The following C11orf65 variants were observed in gnomAD, a reference collection of about 807,000 sequenced individuals.
C11orf65 encodes the protein chromosome 11 open reading frame 65, also known as protein MFI.
C11orf65 carries 38 observed loss-of-function variants against 35.3 expected under a neutral mutation model. That is an observed-to-expected ratio of 1.08 (90% confidence interval 0.83 to 1.41). The LOEUF is 1.41. Among genes scored for constraint, C11orf65 ranks in the 40% most tolerant of loss-of-function variants. The pLI, the probability that C11orf65 is intolerant of heterozygous loss-of-function variation, is 0.00. For synonymous variants in C11orf65, 105 were observed against 114.4 expected (o/e 0.92, Z 0.53); for missense variants, 370 against 367.1 (o/e 1.01, Z -0.06).
intron 5 of C11orf65, among the ~76,000 whole-genome samples, chr11:108,405,961 T>C (rs2092532428): frequency 6.6e-6 from 1 of 152,200 alleles, no homozygotes; most frequent in African/African-American, 2.4e-5. Context: ...CCTAAGACTT[T>C]GTGGTTTCCC....
chr11:108,330,472 A>G (rs2136469248), downstream of C11orf65: 1 of 1,573,796 alleles, frequency 6.4e-7, no homozygotes, highest in Non-Finnish European at 8.7e-7. Context: ...AAACTTAGAC[A>G]TAAGCCCCTT....
intron 3 of C11orf65, among the ~76,000 whole-genome samples, chr11:108,407,743 G>C (rs2092569209): frequency 6.6e-6 from 1 of 150,924 alleles, no homozygotes; most frequent in Non-Finnish European, 1.5e-5. Context: ...AGGAGATCGA[G>C]ACCACGGTGA....
chr11:108,331,823 A>G, intron 3 of C11orf65: 1 of 1,580,050 alleles, frequency 6.3e-7, no homozygotes, highest in South Asian at 1.1e-5. Context: ...AAAATGAAAA[A>G]TATGGATTAT....
chr11:108,440,124 T>G (rs2093127064), intron 2 of C11orf65, among the ~76,000 whole-genome samples: 1 of 152,172 alleles, frequency 6.6e-6, no homozygotes, highest in Non-Finnish European at 1.5e-5. Flanking sequence ...ATGAGCTTCT[T>G]ACATTGTTCT....
At chr11:108,403,145 T>TA (rs916085534) in intron 6 of C11orf65, among the ~76,000 whole-genome samples, 3 of 151,706 alleles carry the variant, frequency 2.0e-5, no homozygotes, top group African/African-American at 2.4e-5. Context: ...TTTACTTGTT[T>TA]AAAAAAAAAC....
At chr11:108,354,457 C>T (rs965540218) in intron 2 of C11orf65, among the ~76,000 whole-genome samples, 3 of 152,192 alleles carry the variant, frequency 2.0e-5, no homozygotes, top group Admixed American at 2.0e-4. Context: ...TGTAGTTTTC[C>T]CAGCATAGGT....
chr11:108,374,855 G>C (rs1485131649), intron 2 of C11orf65, among the ~76,000 whole-genome samples: 2 of 152,214 alleles, frequency 1.3e-5, no homozygotes, highest in African/African-American at 4.8e-5. Flanking sequence ...AGCCTCAGGA[G>C]CTGATGCGAT....
chr11:108,342,982 C>G (rs1427257501), intron 2 of C11orf65, among the ~76,000 whole-genome samples: 1 of 152,092 alleles, frequency 6.6e-6, no homozygotes, highest in Non-Finnish European at 1.5e-5. Flanking sequence ...CTCAGAGAAT[C>G]GTGGGGATTG....
At chr11:108,376,669 C>T (rs2091734644) in intron 2 of C11orf65, among the ~76,000 whole-genome samples, 1 of 151,806 alleles carries the variant, frequency 6.6e-6, no homozygotes, top group South Asian at 2.1e-4. Flanking sequence ...AAAAACCGTT[C>T]AAAAAATTAA....
chr11:108,353,157 T>A (rs971436970), intron 2 of C11orf65, among the ~76,000 whole-genome samples: 1 of 145,276 alleles, frequency 6.9e-6, no homozygotes, highest in African/African-American at 2.7e-5. Flanking sequence ...TGTCATTAAT[T>A]TTTTTTTTTT....
At chr11:108,320,484 C>T (rs549866105) in intron 6 of C11orf65, among the ~76,000 whole-genome samples, 4 of 151,944 alleles carry the variant, frequency 2.6e-5, no homozygotes, top group Non-Finnish European at 5.9e-5. Context: ...TTTTTAAAGC[C>T]GTAGTGACTT....
chr11:108,415,170 G>T (rs1315678492), intron 3 of C11orf65, among the ~76,000 whole-genome samples: 1 of 152,060 alleles, frequency 6.6e-6, no homozygotes, highest in Non-Finnish European at 1.5e-5. Context: ...AATAAGACAA[G>T]AAAAGGAAAT....
At chr11:108,457,412 G>A (rs2093421627) in intron 2 of C11orf65, among the ~76,000 whole-genome samples, 1 of 152,136 alleles carries the variant, frequency 6.6e-6, no homozygotes, top group Admixed American at 6.6e-5. Context: ...GGGAGGGAGA[G>A]GTGGGTGGAT....
intron 3 of C11orf65, among the ~76,000 whole-genome samples, chr11:108,422,426 A>G (rs1388475328): frequency 6.6e-6 from 1 of 152,258 alleles, no homozygotes; most frequent in Non-Finnish European, 1.5e-5. Context: ...ATAAAGCTGT[A>G]ATAGTTACGA....
chr11:108,392,436 G>C (rs1021390199), intron 7 of C11orf65, among the ~76,000 whole-genome samples: 2 of 151,990 alleles, frequency 1.3e-5, no homozygotes, highest in African/African-American at 4.8e-5. Flanking sequence ...GGTGTCTTCT[G>C]CTTTTTTGCT....
chr11:108,425,203 T>A (rs1014590817), intron 3 of C11orf65, among the ~76,000 whole-genome samples: 2 of 151,888 alleles, frequency 1.3e-5, no homozygotes, highest in African/African-American at 4.8e-5. Flanking sequence ...CTGCAAAAAA[T>A]CAGTGAATCC....
chr11:108,462,690 G>C (rs1231016083), intron 1 of C11orf65: 1 of 152,130 alleles, frequency 6.6e-6, no homozygotes, highest in Non-Finnish European at 1.5e-5. Context: ...CTGAATACAG[G>C]GAGAAACATG....
At chr11:108,421,873 T>A (rs982213676) in intron 3 of C11orf65, among the ~76,000 whole-genome samples, 1 of 152,170 alleles carries the variant, frequency 6.6e-6, no homozygotes, top group Non-Finnish European at 1.5e-5. Flanking sequence ...TTAAAAGCAT[T>A]CCCCTGGTTG....
rs60928526 is a variant in C11orf65 at position 108,459,726 on chromosome 11, TACACACACACACACACACACACAC to T, written c.81+1729_81+1752del. On this transcript the variant is annotated intron_variant, in intron 2 of 8. Transcript: ENST00000393084. ...AGAAGGTGAAAATGTGTCCTCCGTC[TACACACACACACACACACACACAC>T]ACACACACACACACACACACCTCTT... Among the ~76,000 whole-genome samples, 827 of 138,668 alleles carry T rather than the reference TACACACACACACACACACACACAC, an allele frequency of 6.0e-3. 27 individuals carry two copies. In the East Asian group the frequency reaches 0.11, roughly 18 times the overall value. The allele number at this position is 138,668 out of a possible 152,430, so 91.0% of individuals were successfully genotyped here. A position where few individuals can be genotyped will look rare whatever the true frequency, so the allele number is the denominator to read the frequency against.
Sources: gnomAD v4.1 joint callset for allele counts (sites outside exome capture counted in the v4.1 genomes callset) on GRCh38, gnomAD v4.1.1 for gene constraint, MANE v1.5 for transcripts, NCBI Gene and HGNC (gene_info 2026-07-23, HGNC 2026-07-21) for gene names.